Variants in SYN3 observed in about 807,000 individuals in gnomAD.
SYN3 encodes the protein synapsin III.
Under a neutral mutation model 65.8 loss-of-function variants are expected in SYN3, and 35 were observed. That is an observed-to-expected ratio of 0.53 (90% CI 0.41 to 0.70). The LOEUF is 0.70. Ranked by LOEUF, SYN3 falls within the 30% of genes least tolerant of loss-of-function variation. SYN3 has a pLI of 0.00. For synonymous variants in SYN3, 270 were observed against 292.9 expected (o/e 0.92, Z 0.80); for missense variants, 680 against 749.0 (o/e 0.91, Z 1.08).
chr22:32,941,900 G>A (rs1190495973), intron 3 of SYN3, among the ~76,000 whole-genome samples: 1 of 152,236 alleles, frequency 6.6e-6, no homozygotes, highest in East Asian at 1.9e-4. Flanking sequence ...GAGGCTGGGG[G>A]AGGGGCATCC....
chr22:32,738,164 G>A (rs1010968612), intron 6 of SYN3, among the ~76,000 whole-genome samples: 4 of 152,088 alleles, frequency 2.6e-5, no homozygotes, highest in South Asian at 2.1e-4. Context: ...CATTTTAGTC[G>A]CTTACCTGCA....
intron 4 of SYN3, among the ~76,000 whole-genome samples, chr22:32,902,373 T>C (rs1014209337): frequency 6.6e-6 from 1 of 151,930 alleles, no homozygotes; most frequent in East Asian, 1.9e-4. Flanking sequence ...TGGGTGTGAG[T>C]TGGCCATGCC....
At chr22:33,002,627 G>C (rs112023304) in intron 2 of SYN3, among the ~76,000 whole-genome samples, 6 of 152,128 alleles carry the variant, frequency 3.9e-5, no homozygotes, top group East Asian at 1.9e-4. Context: ...CTGGGCAAGA[G>C]AGCAAGACTC....
chr22:32,820,619 C>T (rs2047219270), intron 6 of SYN3, among the ~76,000 whole-genome samples: 2 of 152,142 alleles, frequency 1.3e-5, no homozygotes, highest in African/African-American at 2.4e-5. Flanking sequence ...CTGCAACATG[C>T]TTGCTTAGGG....
At chr22:32,938,681 C>A (rs1339214806) in intron 3 of SYN3, among the ~76,000 whole-genome samples, 2 of 152,104 alleles carry the variant, frequency 1.3e-5, no homozygotes, top group Admixed American at 1.3e-4. Context: ...AATCCCAGCA[C>A]TTTGGGAGGC....
chr22:33,006,816 AT>A lies in SYN3; in HGVS notation c.-155del. 1 of 636,552 alleles carries A rather than the reference AT, an allele frequency of 1.6e-6. No homozygotes were observed. Among genetic ancestry groups the A allele is most frequent in the Non-Finnish European group, 2.6e-6 (1 of 384,992 alleles). 39.4% of individuals were successfully genotyped at this position (636,552 alleles called of 1,614,324 possible). A position where few individuals can be genotyped will look rare whatever the true frequency, so the allele number is the denominator to read the frequency against. Reference sequence around the variant, plus strand: ...CCAGCAGTCAGCTTTAGCTGCCTTTATTTACCTGCTGGAAATAAGCCAACAA... The same window carrying A: ...CCAGCAGTCAGCTTTAGCTGCCTTTATTACCTGCTGGAAATAAGCCAACAA... On this transcript the variant is annotated 5_prime_UTR_variant, in exon 2 of 14. Coordinates refer to ENST00000358763, the MANE Select transcript of SYN3 (RefSeq NM_003490.4).
intron 6 of SYN3, among the ~76,000 whole-genome samples, chr22:32,730,665 C>A (rs978070344): frequency 2.6e-4 from 39 of 152,172 alleles, no homozygotes; most frequent in African/African-American, 7.7e-4. Flanking sequence ...CAGGTTCTGG[C>A]ATCTCTTGAG....
At chr22:32,515,378 C>T (rs76554781) in intron 13 of SYN3, among the ~76,000 whole-genome samples, 4,115 of 152,244 alleles carry the variant, frequency 0.027, 180 homozygotes, top group African/African-American at 0.095. Flanking sequence ...CTTATAATAA[C>T]CCTGTGCGGT....
At chr22:32,803,839 T>A (rs1188603788) in intron 6 of SYN3, among the ~76,000 whole-genome samples, 2 of 152,182 alleles carry the variant, frequency 1.3e-5, no homozygotes, top group Non-Finnish European at 2.9e-5. Flanking sequence ...TGACTTCACT[T>A]GCGTTTTTTT....
At chr22:32,780,613 C>CA (rs1257206114) in intron 6 of SYN3, among the ~76,000 whole-genome samples, 2 of 152,158 alleles carry the variant, frequency 1.3e-5, no homozygotes, top group Admixed American at 1.3e-4. Context: ...ACCTTGACCT[C>CA]AAATATTTGC....
At chr22:32,516,394 C>T (rs1372738801) in intron 13 of SYN3, among the ~76,000 whole-genome samples, 1 of 147,116 alleles carries the variant, frequency 6.8e-6, no homozygotes, top group Non-Finnish European at 1.5e-5. Context: ...GATGGAGTCT[C>T]ACTTTGTTGC....
chr22:32,669,542 T>C (rs2060332985), intron 6 of SYN3, among the ~76,000 whole-genome samples: 10 of 152,206 alleles, frequency 6.6e-5, no homozygotes, highest in East Asian at 1.9e-4. Context: ...TTTGCTACAG[T>C]TGGAGTAACC....
intron 6 of SYN3, among the ~76,000 whole-genome samples, chr22:32,759,378 A>G (rs754696274): frequency 2.6e-5 from 4 of 152,170 alleles, no homozygotes; most frequent in African/African-American, 7.2e-5. Context: ...GGATATGTAC[A>G]AGGGGCTCAA....
At chr22:32,899,274 T>G (rs994439936) in intron 4 of SYN3, among the ~76,000 whole-genome samples, 2 of 152,184 alleles carry the variant, frequency 1.3e-5, no homozygotes, top group African/African-American at 4.8e-5. Flanking sequence ...ACTGAGCCAG[T>G]GCACAATGAA....
intron 6 of SYN3, among the ~76,000 whole-genome samples, chr22:32,667,037 C>T (rs2060298453): frequency 2.6e-5 from 4 of 152,212 alleles, no homozygotes. Flanking sequence ...GTCAGGAGAT[C>T]AAGACCATCC....
At chr22:32,538,008 C>T in intron 9 of SYN3, 28 bp downstream of exon 9, 1 of 1,608,822 alleles carries the variant, frequency 6.2e-7, no homozygotes, top group Non-Finnish European at 8.5e-7. Flanking sequence ...TGGCCAGTGC[C>T]TCTCCCTACA....
chr22:32,887,963 A>T (rs2049339667), intron 4 of SYN3, among the ~76,000 whole-genome samples: 1 of 152,182 alleles, frequency 6.6e-6, no homozygotes, highest in South Asian at 2.1e-4. Flanking sequence ...TCACATCCCC[A>T]CCAGCAATGT....
intron 6 of SYN3, among the ~76,000 whole-genome samples, chr22:32,702,059 G>A: frequency 6.6e-6 from 1 of 152,092 alleles, no homozygotes; most frequent in East Asian, 1.9e-4. Flanking sequence ...TAATAGATAT[G>A]GACAATGTAG....
chr22:32,575,715 G>A (rs555636465), intron 7 of SYN3, among the ~76,000 whole-genome samples: 6 of 152,242 alleles, frequency 3.9e-5, no homozygotes, highest in East Asian at 3.9e-4. Flanking sequence ...CCAGGCTCTC[G>A]GAGAGGCAGC....
Sources: gnomAD v4.1 joint callset for allele counts (sites outside exome capture counted in the v4.1 genomes callset) on GRCh38, gnomAD v4.1.1 for gene constraint, MANE v1.5 for transcripts, NCBI Gene and HGNC (gene_info 2026-07-23, HGNC 2026-07-21) for gene names.